ZFPM2: variants seen among roughly 807,000 people sequenced by gnomAD.
ZFPM2 encodes the protein zinc finger protein, FOG family member 2, also known as zinc finger protein ZFPM2.
In ZFPM2, 20 loss-of-function variants were observed where a neutral mutation model predicts 98.6. That is an observed-to-expected ratio of 0.20 (90% CI 0.14 to 0.29). The LOEUF is 0.29. Ranked by LOEUF, ZFPM2 falls within the 10% of genes least tolerant of loss-of-function variation. ZFPM2 has a pLI of 1.00. For synonymous variants in ZFPM2, 518 were observed against 502.7 expected (o/e 1.03, Z -0.41); for missense variants, 1,310 against 1,388.6 (o/e 0.94, Z 0.90).
intron 4 of ZFPM2, among the ~76,000 whole-genome samples, chr8:105,627,478 C>A (rs1563749165): frequency 6.6e-6 from 1 of 151,996 alleles, no homozygotes; most frequent in Non-Finnish European, 1.5e-5. Context: ...TGTTATGTAC[C>A]TTGAATTGAT....
intron 1 of ZFPM2, among the ~76,000 whole-genome samples, chr8:105,364,724 T>C (rs1386954177): frequency 6.6e-6 from 1 of 151,494 alleles, no homozygotes; most frequent in African/African-American, 2.4e-5. Flanking sequence ...CCAAATCAAG[T>C]GTAAGAGTTC....
chr8:105,657,365 C>T (rs1817305603), intron 5 of ZFPM2, among the ~76,000 whole-genome samples: 1 of 152,162 alleles, frequency 6.6e-6, no homozygotes, highest in African/African-American at 2.4e-5. Flanking sequence ...TCTTGAACTC[C>T]TGACCTCAGG....
intron 4 of ZFPM2, among the ~76,000 whole-genome samples, chr8:105,607,333 G>T: frequency 1.3e-5 from 2 of 152,166 alleles, no homozygotes; most frequent in South Asian, 4.1e-4. Context: ...TGCCTAGAAA[G>T]TACATTAAAA....
chr8:105,401,575 A>T (rs1388042148), intron 1 of ZFPM2, among the ~76,000 whole-genome samples: 1 of 152,090 alleles, frequency 6.6e-6, no homozygotes, highest in Non-Finnish European at 1.5e-5. Flanking sequence ...TGCCAGGTGC[A>T]TTTCATCATT....
At chr8:105,774,592 T>C (rs1381221093) in intron 5 of ZFPM2, among the ~76,000 whole-genome samples, 2 of 152,128 alleles carry the variant, frequency 1.3e-5, no homozygotes, top group Non-Finnish European at 2.9e-5. Context: ...GTCAGAGAAA[T>C]TTGTGTGTTT....
chr8:105,648,289 G>T (rs1406778346), intron 5 of ZFPM2, among the ~76,000 whole-genome samples: 1 of 152,180 alleles, frequency 6.6e-6, no homozygotes, highest in Non-Finnish European at 1.5e-5. Context: ...CCCTTTGTCA[G>T]ATGAGTAGAT....
intron 5 of ZFPM2, among the ~76,000 whole-genome samples, chr8:105,647,581 A>C (rs1028787463): frequency 6.9e-6 from 1 of 144,754 alleles, no homozygotes; most frequent in Admixed American, 7.4e-5. Context: ...CCTGTGTCCA[A>C]GTGTTCTCAT....
chr8:105,534,451 C>CTCCTT (rs1410377558), intron 3 of ZFPM2, among the ~76,000 whole-genome samples: 131 of 133,886 alleles, frequency 9.8e-4, no homozygotes, highest in African/African-American at 4.0e-3. Flanking sequence ...TCCTCTCTTC[C>CTCCTT]TTCCTTCCTT....
intron 3 of ZFPM2, among the ~76,000 whole-genome samples, chr8:105,504,917 C>G (rs1813666603): frequency 6.7e-6 from 1 of 149,958 alleles, no homozygotes; most frequent in African/African-American, 2.5e-5. Context: ...ATTAGATAAT[C>G]TACAATTACA....
chr8:105,487,701 A>T (rs1418245443), intron 3 of ZFPM2, among the ~76,000 whole-genome samples: 1 of 151,996 alleles, frequency 6.6e-6, no homozygotes, highest in Non-Finnish European at 1.5e-5. Context: ...GGCACATAAT[A>T]GGAATTAAAA....
At chr8:105,665,604 C>G (rs1274874974) in intron 5 of ZFPM2, among the ~76,000 whole-genome samples, 1 of 152,148 alleles carries the variant, frequency 6.6e-6, no homozygotes, top group African/African-American at 2.4e-5. Context: ...CTACAATACA[C>G]TAAAAGAAAG....
At chr8:105,684,534 T>C (rs1174334867) in intron 5 of ZFPM2, among the ~76,000 whole-genome samples, 1 of 152,084 alleles carries the variant, frequency 6.6e-6, no homozygotes, top group Non-Finnish European at 1.5e-5. Context: ...AGGCAGCTGT[T>C]AGGTCATCTC....
intron 2 of ZFPM2, 102 bp from the exon 3 acceptor site, chr8:105,444,178 C>A: frequency 9.3e-6 from 8 of 862,956 alleles, no homozygotes; most frequent in East Asian, 2.7e-5. Context: ...TATAACAAAC[C>A]TGTAATTAGA....
At chr8:105,562,884 A>G (rs1815169727) in intron 4 of ZFPM2, among the ~76,000 whole-genome samples, 1 of 152,232 alleles carries the variant, frequency 6.6e-6, no homozygotes, top group South Asian at 2.1e-4. Context: ...GGATGTAAAC[A>G]TCTTTGCAAG....
chr8:105,530,877 G>A (rs1011747686), intron 3 of ZFPM2, among the ~76,000 whole-genome samples: 1 of 152,022 alleles, frequency 6.6e-6, no homozygotes, highest in Non-Finnish European at 1.5e-5. Flanking sequence ...CCAGGAAGCG[G>A]GCCAGCCTAA....
At chr8:105,712,117 G>C (rs1811415098) in intron 5 of ZFPM2, among the ~76,000 whole-genome samples, 2 of 151,986 alleles carry the variant, frequency 1.3e-5, no homozygotes, top group Admixed American at 6.6e-5. Flanking sequence ...GGGGAAAAAG[G>C]CTGGTGAGGA....
intron 3 of ZFPM2, among the ~76,000 whole-genome samples, chr8:105,517,832 A>C (rs577671177): frequency 6.6e-6 from 1 of 152,046 alleles, no homozygotes; most frequent in East Asian, 1.9e-4. Flanking sequence ...GGATCACATG[A>C]GCCCAGGAGG....
At chr8:105,420,325 G>C (rs1485770920) in intron 2 of ZFPM2, among the ~76,000 whole-genome samples, 1 of 151,894 alleles carries the variant, frequency 6.6e-6, no homozygotes, top group Non-Finnish European at 1.5e-5. Context: ...TATCTTGGTG[G>C]CCATGTATAT....
At chr8:105,607,630 T>G (rs944005587) in intron 4 of ZFPM2, among the ~76,000 whole-genome samples, 1 of 152,076 alleles carries the variant, frequency 6.6e-6, no homozygotes, top group African/African-American at 2.4e-5. Flanking sequence ...TGGCCTCCCC[T>G]TACCATCTCC....
Sources: gnomAD v4.1 joint callset for allele counts (sites outside exome capture counted in the v4.1 genomes callset) on GRCh38, gnomAD v4.1.1 for gene constraint, MANE v1.5 for transcripts, NCBI Gene and HGNC (gene_info 2026-07-23, HGNC 2026-07-21) for gene names.